EHD2: variants seen among roughly 807,000 people sequenced by gnomAD.
The protein encoded by EHD2 is EH domain-containing protein 2.
Under a neutral mutation model 41.0 loss-of-function variants are expected in EHD2, and 27 were observed. That is an observed-to-expected ratio of 0.66 (90% CI 0.49 to 0.91). The LOEUF (loss-of-function observed/expected upper bound fraction) is 0.91. EHD2 is among the 40% of genes least tolerant of loss of function. The probability of loss-of-function intolerance (pLI) is 0.00; values close to 1 mark genes in which losing one functional copy is unlikely to be tolerated. For missense variants in EHD2, 673 were observed against 773.9 expected (o/e 0.87, Z 1.55); for synonymous variants, 342 against 341.0 (o/e 1.00, Z -0.03).
At chr19:47,729,303 G>T (rs1351840527) in intron 4 of EHD2, among the ~76,000 whole-genome samples, 2 of 152,180 alleles carry the variant, frequency 1.3e-5, no homozygotes, top group East Asian at 3.8e-4. Context: ...ATGTGGCTGA[G>T]ATCAGAGGTG....
intron 4 of EHD2, among the ~76,000 whole-genome samples, chr19:47,726,933 C>T (rs1973759798): frequency 6.6e-6 from 1 of 152,128 alleles, no homozygotes; most frequent in Non-Finnish European, 1.5e-5. Flanking sequence ...CCCTTTTGGC[C>T]TCCCAAAGTG....
At chr19:47,728,886 ATTCCTTCACTGATT>A (rs1337801158) in intron 4 of EHD2, among the ~76,000 whole-genome samples, 1 of 151,024 alleles carries the variant, frequency 6.6e-6, no homozygotes, top group African/African-American at 2.4e-5. Context: ...GGCTCTTTGA[ATTCCTTCACTGATT>A]TATCCCCAGT....
At chr19:47,726,733 A>G (rs960747399) in intron 4 of EHD2, among the ~76,000 whole-genome samples, 2 of 151,830 alleles carry the variant, frequency 1.3e-5, no homozygotes, top group East Asian at 1.9e-4. Flanking sequence ...CTGGAATGCA[A>G]TGATGCAATC....
chr19:47,735,089 G>A (rs1395871248), intron 4 of EHD2, among the ~76,000 whole-genome samples: 1 of 152,110 alleles, frequency 6.6e-6, no homozygotes, highest in Non-Finnish European at 1.5e-5. Context: ...AAAATTTCTA[G>A]ATTTCTGGCC....
At chr19:47,728,115 A>G (rs1237130373) in intron 4 of EHD2, among the ~76,000 whole-genome samples, 1 of 150,226 alleles carries the variant, frequency 6.7e-6, no homozygotes. Context: ...AAAAAAAAAA[A>G]GATGAATTTA....
chr19:47,720,009 G>A (rs1422081843), intron 3 of EHD2, among the ~76,000 whole-genome samples: 1 of 149,144 alleles, frequency 6.7e-6, no homozygotes, highest in Non-Finnish European at 1.5e-5. Context: ...CATTATGAGT[G>A]TACTCCTGGG....
chr19:47,729,604 C>G (rs1973787492), intron 4 of EHD2: 1 of 152,538 alleles, frequency 6.6e-6, no homozygotes, highest in African/African-American at 2.4e-5. Context: ...GGGCAGGAAG[C>G]TGGGCAGGCA....
rs904564645 is a variant in EHD2, at chr19:47,719,136, G to C, written c.502+530G>C. The stretch of plus-strand genomic sequence containing the variant: ...GTGGGGGAGGTGTGTGGGTGACCAC[G>C]TGGTGGGAGCGGGCAGGAGCCGCAC... On this transcript the variant is annotated intron_variant, in intron 3 of 5. Transcript: ENST00000263277. This position sits in a 1 kb window ranked among gnomAD's most constrained non-coding sequence, Gnocchi z 4.1. 6.6e-6 allele frequency among the ~76,000 whole-genome samples: 1 copy of C among 152,162 alleles called. No homozygotes were observed. Among genetic ancestry groups the C allele is most frequent in the Non-Finnish European group, 1.5e-5 (1 of 68,012 alleles).
rs1251105029 is a variant in EHD2 at position 47,719,806 on chromosome 19, A to T, written c.502+1200A>T. Reference sequence around the variant, plus strand: ...CTGGACCTGGGACAGCGGGAGGGAGAGGCTCTCTCAGCCAGGGCAGGGGTG... The same window carrying T: ...CTGGACCTGGGACAGCGGGAGGGAGTGGCTCTCTCAGCCAGGGCAGGGGTG... On this transcript the variant is annotated intron_variant, in intron 3 of 5. Transcript: ENST00000263277. The surrounding 1 kb of genome is among the most constrained non-coding windows in gnomAD (Gnocchi z 4.1). Among the ~76,000 whole-genome samples the T allele has an allele frequency of 5.3e-5, 8 of 150,686 alleles. No individual in the cohort carries two copies. Among genetic ancestry groups the T allele is most frequent in the Admixed American group, 4.0e-4 (6 of 15,162 alleles).
chr19:47,729,214 T>A (rs937461758), intron 4 of EHD2, among the ~76,000 whole-genome samples: 3 of 151,574 alleles, frequency 2.0e-5, no homozygotes, highest in Non-Finnish European at 4.4e-5. Flanking sequence ...AGGGCTTCTT[T>A]GGAGGAGAGG....
rs778506358 is a variant in EHD2 at position 47,718,501 on chromosome 19, G to A, written c.405-8G>A. On this transcript the variant is annotated splice_polypyrimidine_tract_variant and splice_region_variant and intron_variant, in intron 2 of 5. Transcript: ENST00000263277. The stretch of plus-strand genomic sequence containing the variant: ...CCTGTTGACCCCTGACCCTCCCTCT[G>A]CCCCCAGGTTCATGTGTGCCCAGCT... 8.9e-6 allele frequency: 14 copies of A among 1,569,336 alleles called. No homozygotes were observed. The Admixed American group carries it at 2.3e-4, about 25-fold the overall frequency.
At chr19:47,730,158 C>T (rs1215870534) in intron 4 of EHD2, among the ~76,000 whole-genome samples, 1 of 151,988 alleles carries the variant, frequency 6.6e-6, no homozygotes, top group African/African-American at 2.4e-5. Flanking sequence ...AGGGACCCAG[C>T]CCCGGCCCAG....
Position 47,725,662 on chromosome 19 carries a change from G to C in EHD2, c.503-150G>C, listed in dbSNP as rs77719997. On this transcript the variant is annotated intron_variant, in intron 3 of 5. Coordinates refer to ENST00000263277, the MANE Select transcript of EHD2 (RefSeq NM_014601.4). ...GCAGTAGTGCCCACTGAGGGCCTTG[G>C]CTATTTTGCCCAGACAGGATTTGGA... 8,971 of 1,032,316 alleles carry C rather than the reference G, an allele frequency of 8.7e-3. 62 individuals carry two copies. Among genetic ancestry groups the C allele is most frequent in the Non-Finnish European group, 0.01 (7,739 of 741,286 alleles). 63.9% of individuals were successfully genotyped at this position (1,032,316 alleles called of 1,614,324 possible).
chr19:47,733,800 AAG>A (rs1966894881), intron 4 of EHD2, among the ~76,000 whole-genome samples: 2 of 142,144 alleles, frequency 1.4e-5, no homozygotes, highest in Non-Finnish European at 1.5e-5. Context: ...GGGAGAAAAA[AAG>A]AGTGAAGAAA....
intron 4 of EHD2, among the ~76,000 whole-genome samples, chr19:47,727,193 C>T (rs572104794): frequency 6.6e-6 from 1 of 152,260 alleles, no homozygotes; most frequent in Non-Finnish European, 1.5e-5. Flanking sequence ...CAACCTCCGC[C>T]TCCTGAATTC....
rs573382801 is a variant in EHD2 at position 47,718,459 on chromosome 19, C to A, written c.405-50C>A. 2.4e-5 allele frequency: 36 copies of A among 1,481,354 alleles called. No homozygotes were observed. The Admixed American group carries it at 5.3e-4, about 22-fold the overall frequency. 91.8% of individuals were successfully genotyped at this position (1,481,354 alleles called of 1,614,324 possible). On this transcript the variant is annotated intron_variant, in intron 2 of 5. Transcript: ENST00000263277. ...CCTCTTCATGTTTTCTTCGTGTTTT[C>A]CCTCCTTCTGTCCTTCCCTGTTGAC...
In EHD2 at chr19:47,741,528, C is replaced by T. The variant is rs1162604119; in HGVS notation, c.*96C>T. ...GCTCACACACGCCCTGCCTGCCCTC[C>T]CTGCCCAGCTGTAAGGACCGGGGGT... On this transcript the variant is annotated 3_prime_UTR_variant, in exon 6 of 6. Coordinates refer to ENST00000263277, the MANE Select transcript of EHD2 (RefSeq NM_014601.4). The surrounding 1 kb of genome is among the most constrained non-coding windows in gnomAD (Gnocchi z 4.5). 2 of 1,387,362 alleles carry T rather than the reference C, an allele frequency of 1.4e-6. No homozygotes were observed. The highest frequency in any genetic ancestry group is 9.7e-7 in the Non-Finnish European group (1 of 1,033,922). The allele number at this position is 1,387,362 out of a possible 1,614,324, so 85.9% of individuals were successfully genotyped here.
intron 1 of EHD2, 48 bp from the exon 2 acceptor site, chr19:47,716,510 C>T (rs1379012649): frequency 6.7e-6 from 9 of 1,340,528 alleles, no homozygotes; most frequent in Non-Finnish European, 8.9e-6. Context: ...CCCCTTTCTT[C>T]CTCCTTGGCT....
intron 4 of EHD2, chr19:47,731,581 A>T (rs1159017149): frequency 6.6e-6 from 1 of 151,680 alleles, no homozygotes; most frequent in African/African-American, 2.4e-5. Context: ...AAGTGTTGGG[A>T]TTACAGGCAT....
Sources: gnomAD v4.1 joint callset for allele counts (sites outside exome capture counted in the v4.1 genomes callset) on GRCh38, gnomAD v4.1.1 for gene constraint, Gnocchi (gnomAD v3.1) non-coding constraint, MANE v1.5 for transcripts, NCBI Gene and HGNC (gene_info 2026-07-23, HGNC 2026-07-21) for gene names.